The following ESPL1 variants were observed in gnomAD, a reference collection of about 807,000 sequenced individuals.
ESPL1 encodes the protein extra spindle pole bodies like 1, separase.
Under a neutral mutation model 217.2 loss-of-function variants are expected in ESPL1, and 50 were observed. The observed-to-expected ratio is 0.23, with a 90% CI of 0.18 to 0.29. The LOEUF is 0.29. ESPL1 is among the 10% of genes least tolerant of loss of function. ESPL1 has a pLI of 1.00. For missense variants in ESPL1, 1,834 were observed against 2,603.0 expected (o/e 0.70, Z 6.43); for synonymous variants, 994 against 1,081.3 (o/e 0.92, Z 1.58).
rs1362779714 is a variant in ESPL1 at position 53,290,087 on chromosome 12, G to C, written c.5116G>C (p.Val1706Leu). 6.2e-7 allele frequency: 1 copy of C among 1,612,478 alleles called. No homozygotes were observed. Among genetic ancestry groups the C allele is most frequent in the Admixed American group, 1.7e-5 (1 of 60,012 alleles). Residue 1706 changes from valine to leucine, a missense_variant and splice_region_variant, in exon 23 of 31, where the codon GTG becomes CTG. This residue lies in a region of ESPL1 where 681 missense variants were observed against 808.0 expected (regional missense o/e 0.84). Transcript: ENST00000257934. ...TCTGGCTGTATCCTGTGTGTCAGGG[G>C]TGACTGTGTGTGTGTTGGCCCTGGC... Reference protein sequence around the residue: ...QERLALIPSGVTVCVLALATL... With the variant: ...QERLALIPSGLTVCVLALATL...
intron 7 of ESPL1, among the ~76,000 whole-genome samples, chr12:53,275,588 T>C (rs1943752776): frequency 6.6e-6 from 1 of 152,206 alleles, no homozygotes; most frequent in African/African-American, 2.4e-5. Flanking sequence ...TCATTAGTTA[T>C]TCATTGAGTG....
intron 1 of ESPL1, 174 bp downstream of exon 1, chr12:53,268,551 G>A: frequency 3.6e-6 from 2 of 562,402 alleles, no homozygotes; most frequent in Non-Finnish European, 6.3e-6. Flanking sequence ...GGCGAGTGGT[G>A]TGGTAGTGCG....
Position 53,269,889 on chromosome 12 carries a change from T to A in ESPL1, c.947T>A (p.Ile316Asn). ...CCTCAGGCAGTGGCCAAGCTTCTGA[T>A]CAAGGCATCAGCTGTCCTGAGCAAG... ...EGPQAVAKLL[I>N]KASAVLSKSM... The change falls in exon 3 of 31, where the codon ATC (isoleucine) becomes AAC (asparagine). Residue 316 changes from isoleucine to asparagine, a missense_variant. Physicochemically the swap from Ile to Asn is moderately radical, Grantham distance 149. Transcript: ENST00000257934. This position sits in a 1 kb window ranked among gnomAD's most constrained non-coding sequence, Gnocchi z 6.7. The A allele has an allele frequency of 1.9e-6, 3 of 1,614,194 alleles. No homozygotes were observed. Among genetic ancestry groups the A allele is most frequent in the Non-Finnish European group, 2.5e-6 (3 of 1,180,040 alleles).
intron 17 of ESPL1, among the ~76,000 whole-genome samples, 197 bp from the exon 18 acceptor site, chr12:53,285,723 AAAAG>A (rs1330430395): frequency 6.8e-6 from 1 of 146,952 alleles, no homozygotes; most frequent in African/African-American, 2.4e-5. Flanking sequence ...AAAAAAGAAA[AAAAG>A]AAAAAGATTT....
rs1288937290 is a variant in ESPL1 at position 53,288,163 on chromosome 12, G to C, written c.4368G>C (p.Arg1456=). The change falls in exon 19 of 31, where the codon CGG becomes CGC. Residue 1456 remains arginine (R), a synonymous_variant. Transcript: ENST00000257934. ...ACCCTGGCCTGAATGGCAGGAGCCG[G>C]AGGGCCAAGAAGGTGGCATCAAGAC... ...PGNPGLNGRS[R]RAKKVASRHC... is the part of the protein sequence containing the mutation. 3 of 1,612,702 alleles carry C rather than the reference G, an allele frequency of 1.9e-6. No homozygotes were observed. In the Admixed American group the frequency reaches 5.0e-5, roughly 27 times the overall value.
At position 53,282,546 on chromosome 12, in the gene ESPL1, C is replaced by T. The variant is rs1943881135; in HGVS notation, c.2791+111C>T. The T allele has an allele frequency of 9.2e-6, 9 of 980,092 alleles. No homozygotes were observed. Among genetic ancestry groups the T allele is most frequent in the Non-Finnish European group, 1.4e-5 (9 of 646,946 alleles). 60.7% of individuals were successfully genotyped at this position (980,092 alleles called of 1,614,324 possible). The stretch of plus-strand genomic sequence containing the variant: ...TGGCTAACTATGTGGCCCAGCCTAC[C>T]TAGAACCTGCACAGAGTAGGCCTGG... On this transcript the variant is annotated intron_variant, in intron 14 of 30. Coordinates refer to ENST00000257934, the MANE Select transcript of ESPL1 (RefSeq NM_012291.5). The surrounding 1 kb of genome is among the most constrained non-coding windows in gnomAD (Gnocchi z 4.0).
chr12:53,286,331 A>G lies in ESPL1; in HGVS notation c.3595A>G (p.Thr1199Ala). The G allele has an allele frequency of 6.2e-7, 1 of 1,614,066 alleles. No individual in the cohort carries two copies. The highest frequency in any genetic ancestry group is 8.5e-7 in the Non-Finnish European group (1 of 1,179,990). The stretch of plus-strand genomic sequence containing the variant: ...CTGTCCTGAAGCCGCTGAGCGCCTC[A>G]CCCAAGCTCTCCAAGCTTCCCTGAA... ...KGCPEAAERL[T>A]QALQASLNHK... The change falls in exon 18 of 31, where the codon ACC (threonine) becomes GCC (alanine). Residue 1199 changes from threonine to alanine, a missense_variant. Transcript: ENST00000257934. This position sits in a 1 kb window ranked among gnomAD's most constrained non-coding sequence, Gnocchi z 5.3.
chr12:53,292,317 CGAAGTACCT>C lies in ESPL1; in HGVS notation c.5837_5845del (p.Arg1946_Phe1949delinsLeu). On this transcript the variant is annotated inframe_deletion, in exon 28 of 31. Coordinates refer to ENST00000257934, the MANE Select transcript of ESPL1 (RefSeq NM_012291.5). The surrounding 1 kb of genome is among the most constrained non-coding windows in gnomAD (Gnocchi z 4.5). The stretch of plus-strand genomic sequence containing the variant: ...AGTGCTGAGTCAAGGGGTGGATCCA[CGAAGTACCT>C]TCTATGTCCTGAACCCTCACAATAA... 6.2e-7 allele frequency: 1 copy of C among 1,614,008 alleles called. No homozygotes were observed. The highest frequency in any genetic ancestry group is 8.5e-7 in the Non-Finnish European group (1 of 1,179,956).
chr12:53,274,777 G>T, intron 6 of ESPL1, 40 bp from the exon 7 acceptor site: 2 of 1,529,338 alleles, frequency 1.3e-6, no homozygotes, highest in Non-Finnish European at 1.8e-6. Flanking sequence ...CACACTCACT[G>T]GTTCCTCTCC....
intron 11 of ESPL1, among the ~76,000 whole-genome samples, chr12:53,278,547 T>C (rs1215973401): frequency 1.3e-5 from 2 of 151,200 alleles, no homozygotes; most frequent in Non-Finnish European, 2.9e-5. Flanking sequence ...GAAAAATACA[T>C]AGATGCCTTT....
At position 53,272,990 on chromosome 12, in the gene ESPL1, A is replaced by G. The variant is rs559567346; in HGVS notation, c.1506+133A>G. 1.1e-4 allele frequency: 87 copies of G among 816,330 alleles called. 1 individual carries two copies. In the South Asian group the frequency reaches 1.5e-3, roughly 14 times the overall value. The allele number at this position is 816,330 out of a possible 1,614,324, so 50.6% of individuals were successfully genotyped here. On this transcript the variant is annotated intron_variant, in intron 6 of 30. Coordinates refer to ENST00000257934, the MANE Select transcript of ESPL1 (RefSeq NM_012291.5). ...GCATGTTGACACCAGTATCTGGAGC[A>G]GTGTTTCCCAAACCTCACTGTACTG...
At position 53,286,638 on chromosome 12, in the gene ESPL1, G is replaced by A; in HGVS notation, c.3902G>A (p.Ser1301Asn). 6.2e-7 allele frequency: 1 copy of A among 1,614,204 alleles called. No individual in the cohort carries two copies. Among genetic ancestry groups the A allele is most frequent in the South Asian group, 1.1e-5 (1 of 91,086 alleles). ...SWGWQPPLIK[S>N]VPGSEPSKTQ... ...GGCTGGCAGCCACCATTAATAAAAAGTGTCCCTGGCTCAGAGCCCTCTAAG... is the reference window on the plus strand; with the variant it reads ...GGCTGGCAGCCACCATTAATAAAAAATGTCCCTGGCTCAGAGCCCTCTAAG... Residue 1301 changes from serine to asparagine, a missense_variant, in exon 18 of 31, where the codon AGT (serine) becomes AAT (asparagine). This residue lies in a region of ESPL1 where 681 missense variants were observed against 808.0 expected (regional missense o/e 0.84). Coordinates refer to ENST00000257934, the MANE Select transcript of ESPL1 (RefSeq NM_012291.5). This position sits in a 1 kb window ranked among gnomAD's most constrained non-coding sequence, Gnocchi z 5.3.
intron 11 of ESPL1, among the ~76,000 whole-genome samples, chr12:53,279,134 G>A (rs949372805): frequency 5.9e-5 from 9 of 152,178 alleles, no homozygotes; most frequent in African/African-American, 1.9e-4. Flanking sequence ...CAGGTGACCC[G>A]TCTGCCTCAG....
At chr12:53,276,530 C>G in intron 7 of ESPL1, 90 bp from the exon 8 acceptor site, 1 of 1,409,084 alleles carries the variant, frequency 7.1e-7, no homozygotes, top group Non-Finnish European at 9.4e-7. Flanking sequence ...ACTGAGCAAG[C>G]CAAGGCTGGG....
intron 25 of ESPL1, among the ~76,000 whole-genome samples, chr12:53,291,330 C>T (rs922240938): frequency 2.0e-5 from 3 of 149,652 alleles, no homozygotes; most frequent in African/African-American, 5.0e-5. Flanking sequence ...CCTTGGCTTA[C>T]GCCTATAATC....
chr12:53,277,459 T>G lies in ESPL1; in HGVS notation c.2086-11T>G. On this transcript the variant is annotated splice_polypyrimidine_tract_variant and intron_variant, in intron 9 of 30. Transcript: ENST00000257934. ...CTGTGCCCTGTTTTATACCCCGATC[T>G]TCCCATCCAGGGTATCGAGCGGGAT... 1 of 1,613,304 alleles carries G rather than the reference T, an allele frequency of 6.2e-7. No homozygotes were observed. Among genetic ancestry groups the G allele is most frequent in the Non-Finnish European group, 8.5e-7 (1 of 1,179,688 alleles).
chr12:53,281,012 A>G (rs559533245), intron 12 of ESPL1, among the ~76,000 whole-genome samples: 57 of 152,010 alleles, frequency 3.7e-4, no homozygotes, highest in Non-Finnish European at 7.4e-4. Context: ...AAAGTGGTTA[A>G]CCAAGTGTTA....
intron 13 of ESPL1, 114 bp downstream of exon 13, chr12:53,281,740 AC>A: frequency 1.0e-6 from 1 of 985,574 alleles, no homozygotes; most frequent in South Asian, 1.5e-5. Flanking sequence ...TATGTTCCTG[AC>A]CCTGAGAGGC....
rs374902885 is a variant in ESPL1, at chr12:53,288,557, G to C, written c.4566G>C (p.Pro1522=). 2 of 1,612,926 alleles carry C rather than the reference G, an allele frequency of 1.2e-6. No homozygotes were observed. The highest frequency in any genetic ancestry group is 2.2e-5 in the East Asian group (1 of 44,876). ...CCCCAGGTGGGAAGACTCCAGCTCC[G>C]GGCCCTGAGGCAGCTTCTGGAGAAT... ...DSASGGKTPA[P]GPEAASGEWE... The change falls in exon 20 of 31, where the codon CCG becomes CCC. Residue 1522 remains proline, a synonymous_variant. Transcript: ENST00000257934.
Sources: allele counts gnomAD v4.1 joint callset (sites outside exome capture counted in the v4.1 genomes callset), GRCh38; gene constraint gnomAD v4.1.1; regional missense constraint gnomAD v4.1.1; non-coding constraint Gnocchi (gnomAD v3.1); transcripts MANE v1.5; gene names NCBI Gene and HGNC (gene_info 2026-07-23, HGNC 2026-07-21).